Variants in JADE3 observed in about 807,000 individuals in gnomAD.
JADE3 encodes jade family PHD finger 3.
A neutral mutation model predicts 50.1 loss-of-function variants in JADE3; 2 were observed. The ratio of observed to expected loss-of-function variants is 0.04; its 90% CI spans 0.02 to 0.13. The LOEUF (loss-of-function observed/expected upper bound fraction) is 0.13, where lower values mean the gene tolerates loss of function less well. JADE3 is among the 10% of genes least tolerant of loss of function. JADE3 has a pLI of 1.00. For synonymous variants in JADE3, 218 were observed against 232.9 expected (o/e 0.94, Z 0.58); for missense variants, 475 against 634.4 (o/e 0.75, Z 2.70).
chrX:46,938,104 T>C (rs1014053489), intron 1 of JADE3, among the ~76,000 whole-genome samples: 2 of 112,456 alleles, frequency 1.8e-5, no homozygotes, highest in Non-Finnish European at 3.8e-5. Flanking sequence ...ACAGATAGTG[T>C]GTAGTTGGGT....
chrX:47,046,076 T>C (rs1556370604), intron 8 of JADE3, among the ~76,000 whole-genome samples: 1 of 108,442 alleles, frequency 9.2e-6, no homozygotes, highest in East Asian at 2.9e-4. Flanking sequence ...AAAAAAAAGA[T>C]CAACAAAACA....
At chrX:47,016,118 G>A (rs897211179) in intron 4 of JADE3, among the ~76,000 whole-genome samples, 1 of 110,719 alleles carries the variant, frequency 9.0e-6, no homozygotes, top group Non-Finnish European at 1.9e-5. Context: ...GGTGGGGGCA[G>A]CGGGGGTAGG....
chrX:47,055,677 G>A (rs1278904936), intron 9 of JADE3, among the ~76,000 whole-genome samples: 1 of 111,763 alleles, frequency 8.9e-6, no homozygotes, highest in Non-Finnish European at 1.9e-5. Context: ...CTTCCCAGTG[G>A]AACTGTATCC....
At chrX:47,032,757 A>G (rs1929049140) in intron 6 of JADE3, among the ~76,000 whole-genome samples, 1 of 111,268 alleles carries the variant, frequency 9.0e-6, no homozygotes, top group African/African-American at 3.3e-5. Context: ...AGGAGCTTGG[A>G]AAAGGACCAG....
chrX:46,946,679 G>T (rs1186394255), intron 1 of JADE3, among the ~76,000 whole-genome samples: 1 of 111,904 alleles, frequency 8.9e-6, no homozygotes, highest in Non-Finnish European at 1.9e-5. Context: ...CCTCACACCG[G>T]ATTGCAAGAG....
At chrX:46,966,202 T>G (rs781812410) in intron 1 of JADE3, among the ~76,000 whole-genome samples, 3 of 112,269 alleles carry the variant, frequency 2.7e-5, no homozygotes, top group Non-Finnish European at 5.6e-5. Flanking sequence ...AGGTGCCAAC[T>G]GAGACCAGTT....
At chrX:47,026,797 A>G (rs1369427936) in intron 5 of JADE3, among the ~76,000 whole-genome samples, 5 of 111,850 alleles carry the variant, frequency 4.5e-5, no homozygotes, top group South Asian at 3.7e-4. Flanking sequence ...TTATTATTAT[A>G]CTAATTTCAT....
intron 3 of JADE3, 82 bp from the exon 4 acceptor site, chrX:46,998,037 GA>G: frequency 2.6e-6 from 2 of 783,309 alleles, no homozygotes; most frequent in South Asian, 2.9e-5. Flanking sequence ...AGTGGATGGG[GA>G]TGGTCTTTTT....
intron 3 of JADE3, among the ~76,000 whole-genome samples, chrX:46,992,847 G>A (rs559136425): frequency 8.9e-6 from 1 of 111,898 alleles, no homozygotes; most frequent in South Asian, 3.7e-4. Flanking sequence ...AATTTATCCT[G>A]TAGAGAAGAG....
At chrX:46,978,701 G>A (rs1261183622) in intron 1 of JADE3, among the ~76,000 whole-genome samples, 1 of 111,403 alleles carries the variant, frequency 9.0e-6, no homozygotes, top group Non-Finnish European at 1.9e-5. Context: ...CTTAGAAGGG[G>A]CACCATTCTT....
intron 4 of JADE3, among the ~76,000 whole-genome samples, chrX:47,021,798 A>G (rs2146973761): frequency 8.9e-6 from 1 of 111,863 alleles, no homozygotes; most frequent in African/African-American, 3.2e-5. Context: ...GTCTTTTTCT[A>G]ATTAATTTGT....
chrX:47,061,240 C>G lies in JADE3; in HGVS notation c.*2163C>G, dbSNP rs181766192. On this transcript the variant is annotated 3_prime_UTR_variant, in exon 11 of 11. Coordinates refer to ENST00000614628, the MANE Select transcript of JADE3 (RefSeq NM_014735.5). ...CTTTTTCATTAAATTATGAAAACTG[C>G]TACCTACTGTCAGTGTGTTTTTTAT... is the stretch of plus-strand genomic sequence containing the variant. 4 of 111,981 alleles carry G rather than the reference C, an allele frequency of 3.6e-5. No homozygotes were observed. Among genetic ancestry groups the G allele is most frequent in the Non-Finnish European group, 7.5e-5 (4 of 53,173 alleles). 9.2% of individuals were successfully genotyped at this position (111,981 alleles called of 1,213,427 possible). A position where few individuals can be genotyped will look rare whatever the true frequency, so the allele number is the denominator to read the frequency against.
At chrX:47,023,413 A>C (rs1409699250) in intron 4 of JADE3, among the ~76,000 whole-genome samples, 1 of 109,879 alleles carries the variant, frequency 9.1e-6, no homozygotes, top group African/African-American at 3.3e-5. Context: ...ATGGCTTCCA[A>C]CTCCATCCAT....
Position 47,039,005 on chromosome X carries a change from A to G in JADE3, c.912A>G (p.Pro304=), listed in dbSNP as rs1556368887. 2 of 1,203,182 alleles carry G rather than the reference A, an allele frequency of 1.7e-6. No individual in the cohort carries two copies. Among genetic ancestry groups the G allele is most frequent in the Non-Finnish European group, 2.3e-6 (2 of 888,408 alleles). Residue 304 remains proline, a synonymous_variant, in exon 8 of 11, where the codon CCA becomes CCG. Transcript: ENST00000614628. ...CGATCACGAAGATCTCCCACATCCC[A>G]CCCAGTCGGTGGGCCTTAGTCTGCA... ...MEPITKISHI[P]PSRWALVCNL...
At chrX:46,924,771 T>C (rs1353170838) in intron 1 of JADE3, among the ~76,000 whole-genome samples, 3 of 112,623 alleles carry the variant, frequency 2.7e-5, no homozygotes, top group Admixed American at 9.4e-5. Flanking sequence ...TCTTCCAAAA[T>C]TCAATGTATG....
rs1313109833 is a variant in JADE3 at position 47,060,956 on chromosome X, T to C, written c.*1879T>C. ...AACAGTGCTTCAGCCAAATTCCATA[T>C]GTAATGCCATTGGGAGAGTATTGAC... On this transcript the variant is annotated 3_prime_UTR_variant, in exon 11 of 11. Coordinates refer to ENST00000614628, the MANE Select transcript of JADE3 (RefSeq NM_014735.5). 8.9e-6 allele frequency: 1 copy of C among 112,171 alleles called. No individual in the cohort carries two copies. Among genetic ancestry groups the C allele is most frequent in the Non-Finnish European group, 1.9e-5 (1 of 53,173 alleles). The allele number at this position is 112,171 out of a possible 1,213,427, so 9.2% of individuals were successfully genotyped here.
At chrX:47,012,413 C>G (rs1232087058) in intron 4 of JADE3, among the ~76,000 whole-genome samples, 2 of 110,168 alleles carry the variant, frequency 1.8e-5, no homozygotes, top group African/African-American at 6.6e-5. Flanking sequence ...AAGTCCTCAT[C>G]TCTACAAAAA....
At chrX:47,047,545 A>G (rs1387154848) in intron 8 of JADE3, among the ~76,000 whole-genome samples, 2 of 107,885 alleles carry the variant, frequency 1.9e-5, no homozygotes, top group African/African-American at 6.8e-5. Context: ...GCGAAACTCC[A>G]TTACAAAAAA....
At chrX:47,051,796 C>CAATCAATCAGTCAGTCTTTGGAAGGAAAG (rs1929513172) in intron 8 of JADE3, among the ~76,000 whole-genome samples, 1 of 103,662 alleles carries the variant, frequency 9.6e-6, no homozygotes. Flanking sequence ...GACTCTGTCT[C>CAATCAATCAGTCAGTCTTTGGAAGGAAAG]CCAAAAAAAA....
Sources: gnomAD v4.1 joint callset for allele counts (sites outside exome capture counted in the v4.1 genomes callset) on GRCh38, gnomAD v4.1.1 for gene constraint, MANE v1.5 for transcripts, NCBI Gene and HGNC (gene_info 2026-07-23, HGNC 2026-07-21) for gene names.